The following CHL1 variants were observed in gnomAD, a reference collection of about 807,000 sequenced individuals.
The protein encoded by CHL1 is cell adhesion molecule L1 like.
A neutral mutation model predicts 141.9 loss-of-function variants in CHL1; 96 were observed. That is an observed-to-expected ratio of 0.68 (90% CI 0.57 to 0.80). CHL1 has a LOEUF of 0.80. Among genes scored for constraint, CHL1 ranks in the 30% least tolerant of loss-of-function variants. The pLI, the probability that CHL1 is intolerant of heterozygous loss-of-function variation, is 0.00. For missense variants in CHL1, 1,820 were observed against 1,457.2 expected (o/e 1.25, Z -4.05); for synonymous variants, 613 against 502.2 (o/e 1.22, Z -2.95).
chr3:316,085 A>G (rs1452264892), intron 2 of CHL1, among the ~76,000 whole-genome samples: 6 of 151,852 alleles, frequency 4.0e-5, no homozygotes, highest in Non-Finnish European at 7.4e-5. Flanking sequence ...TATTACCCTA[A>G]TCTTATGTGA....
intron 1 of CHL1, among the ~76,000 whole-genome samples, chr3:228,425 G>C (rs1490016331): frequency 1.3e-5 from 2 of 151,960 alleles, no homozygotes; most frequent in Non-Finnish European, 2.9e-5. Context: ...TGTTCAAGGG[G>C]ATCCCTGCAC....
At chr3:258,368 A>T (rs1484712142) in intron 2 of CHL1, among the ~76,000 whole-genome samples, 1 of 152,184 alleles carries the variant, frequency 6.6e-6, no homozygotes, top group Non-Finnish European at 1.5e-5. Flanking sequence ...TGCCATTGCA[A>T]TCTGTGGCCA....
chr3:369,499 G>T (rs1705348130), intron 15 of CHL1, among the ~76,000 whole-genome samples: 1 of 152,180 alleles, frequency 6.6e-6, no homozygotes, highest in African/African-American at 2.4e-5. Context: ...GAGTTTTGGG[G>T]CTTAGACAAC....
intron 2 of CHL1, among the ~76,000 whole-genome samples, chr3:250,062 G>A (rs1693546066): frequency 1.3e-5 from 2 of 151,860 alleles, no homozygotes; most frequent in South Asian, 2.1e-4. Flanking sequence ...GATCTCCCAG[G>A]CTCAAATGAT....
intron 1 of CHL1, among the ~76,000 whole-genome samples, chr3:210,867 A>G (rs565739999): frequency 6.6e-6 from 1 of 152,172 alleles, no homozygotes; most frequent in South Asian, 2.1e-4. Context: ...GTGATGTGAG[A>G]GTGAACTTTG....
intron 23 of CHL1, 32 bp from the exon 24 acceptor site, chr3:394,661 A>G (rs746188450): frequency 4.0e-6 from 6 of 1,496,380 alleles, no homozygotes; most frequent in Non-Finnish European, 5.5e-6. Context: ...GGTTAAATAC[A>G]TTTGAGCTGT....
chr3:393,631 C>T (rs981904563), intron 23 of CHL1, among the ~76,000 whole-genome samples: 15 of 151,922 alleles, frequency 9.9e-5, no homozygotes, highest in African/African-American at 3.6e-4. Context: ...AGGTAGTTTA[C>T]CTTTTTCTTA....
chr3:217,939 C>A lies in CHL1; in HGVS notation c.-175+20876C>A, dbSNP rs141912448. 2.9e-3 allele frequency among the ~76,000 whole-genome samples: 443 copies of A among 152,186 alleles called. 6 individuals carry two copies. Among genetic ancestry groups the A allele is most frequent in the African/African-American group, 9.9e-3 (411 of 41,532 alleles). Reference sequence around the variant, plus strand: ...GCAAGGGAGATAAGAACAGCTTAGGCTTGAATGAGGATGTGATAAAGGGGA... The same window carrying A: ...GCAAGGGAGATAAGAACAGCTTAGGATTGAATGAGGATGTGATAAAGGGGA... On this transcript the variant is annotated intron_variant, in intron 1 of 27. Coordinates refer to ENST00000256509, the MANE Select transcript of CHL1 (RefSeq NM_006614.4).
At chr3:302,313 A>G (rs1481150553) in intron 2 of CHL1, among the ~76,000 whole-genome samples, 3 of 152,224 alleles carry the variant, frequency 2.0e-5, no homozygotes, top group African/African-American at 7.2e-5. Context: ...TCCTTAAGGA[A>G]TTGCCACACT....
intron 23 of CHL1, 40 bp from the exon 24 acceptor site, chr3:394,653 T>C: frequency 7.0e-7 from 1 of 1,432,502 alleles, no homozygotes; most frequent in South Asian, 1.2e-5. Flanking sequence ...ACTTGAATGG[T>C]TAAATACATT....
intron 2 of CHL1, among the ~76,000 whole-genome samples, chr3:264,869 A>G (rs918902021): frequency 1.3e-5 from 2 of 152,216 alleles, no homozygotes; most frequent in Non-Finnish European, 2.9e-5. Context: ...CTTTCCAGTC[A>G]TTGCTTCCTG....
At chr3:219,278 A>G (rs1700614147) in intron 1 of CHL1, among the ~76,000 whole-genome samples, 1 of 152,154 alleles carries the variant, frequency 6.6e-6, no homozygotes, top group Admixed American at 6.5e-5. Context: ...CTCCTCAAAG[A>G]CCTGAAGACA....
At chr3:256,979 T>C (rs756305147) in intron 2 of CHL1, among the ~76,000 whole-genome samples, 2 of 152,164 alleles carry the variant, frequency 1.3e-5, no homozygotes, top group Non-Finnish European at 2.9e-5. Context: ...ATACCTAATA[T>C]GTAAGGATTA....
At chr3:298,991 G>A (rs1013487817) in intron 2 of CHL1, among the ~76,000 whole-genome samples, 1 of 152,106 alleles carries the variant, frequency 6.6e-6, no homozygotes, top group Non-Finnish European at 1.5e-5. Flanking sequence ...TAACCTGGTT[G>A]AATCTTATTT....
rs1702449685 is a variant in CHL1 at position 342,890 on chromosome 3, A to G, written c.680-94A>G. 4 of 992,050 alleles carry G rather than the reference A, an allele frequency of 4.0e-6. No individual in the cohort carries two copies. In the Admixed American group the frequency reaches 7.9e-5, roughly 20 times the overall value. 61.5% of individuals were successfully genotyped at this position (992,050 alleles called of 1,614,324 possible). On this transcript the variant is annotated intron_variant, in intron 7 of 27. Transcript: ENST00000256509. ...AAGCATGGTTCTACATCATTTTGTA[A>G]TTTTTCTAAGACAAAAATATGACTT...
At chr3:384,711 A>G (rs529536183) in intron 19 of CHL1, 19 of 152,332 alleles carry the variant, frequency 1.2e-4, no homozygotes, top group Admixed American at 2.6e-4. Context: ...CTGATGAGTA[A>G]TAGGCCTCCA....
At chr3:286,046 A>G (rs917255891) in intron 2 of CHL1, among the ~76,000 whole-genome samples, 5 of 152,194 alleles carry the variant, frequency 3.3e-5, no homozygotes, top group Non-Finnish European at 7.3e-5. Context: ...AATATAATAC[A>G]TAAAGTTTAT....
intron 10 of CHL1, among the ~76,000 whole-genome samples, chr3:350,906 G>T (rs1463804524): frequency 2.0e-5 from 3 of 152,116 alleles, no homozygotes; most frequent in Non-Finnish European, 2.9e-5. Flanking sequence ...AAAGATTTAT[G>T]TTATGTATAT....
At chr3:235,787 C>T (rs1337537372) in intron 1 of CHL1, among the ~76,000 whole-genome samples, 1 of 152,164 alleles carries the variant, frequency 6.6e-6, no homozygotes, top group Admixed American at 6.6e-5. Flanking sequence ...ACAACATTGA[C>T]ATTTTTGCTT....
Sources: allele counts gnomAD v4.1 joint callset (sites outside exome capture counted in the v4.1 genomes callset), GRCh38; gene constraint gnomAD v4.1.1; transcripts MANE v1.5; gene names NCBI Gene and HGNC (gene_info 2026-07-23, HGNC 2026-07-21).